Variants in LRRC37A2 observed in about 807,000 individuals in gnomAD.
LRRC37A2 encodes leucine rich repeat containing 37 member A2, also known as leucine-rich repeat-containing protein 37A2.
LRRC37A2 carries 9 observed loss-of-function variants against 68.8 expected under a neutral mutation model. The ratio of observed to expected loss-of-function variants is 0.13; its 90% CI spans 0.08 to 0.23. The LOEUF (loss-of-function observed/expected upper bound fraction) is 0.23, where lower values mean the gene tolerates loss of function less well. LRRC37A2 is among the 10% of genes least tolerant of loss of function. LRRC37A2 has a pLI of 1.00. For synonymous variants in LRRC37A2, 63 were observed against 367.6 expected, an observed-to-expected ratio of 0.17 and a Z score of 9.48; for missense variants, 168 against 950.4, an observed-to-expected ratio of 0.18 and a Z score of 10.82.
chr17:46,558,757 A>C (rs1490146146), downstream of LRRC37A2: 4 of 136,452 alleles, frequency 2.9e-5, no homozygotes, highest in Non-Finnish European at 6.3e-5. Flanking sequence ...ATGCTGCTTT[A>C]AATGACTGAT....
the LRRC37A2 span, among the ~76,000 whole-genome samples, chr17:46,987,629 A>G: frequency 6.6e-6 from 1 of 152,184 alleles, no homozygotes; most frequent in Non-Finnish European, 1.5e-5. Flanking sequence ...CACTCTAAGT[A>G]TATACCCAAA....
At chr17:46,978,926 G>C in the LRRC37A2 span, 4 of 1,460,816 alleles carry the variant, frequency 2.7e-6, no homozygotes, top group Non-Finnish European at 3.6e-6. Flanking sequence ...CCGTGGGTGC[G>C]GTTTCCCAGG....
the LRRC37A2 span, among the ~76,000 whole-genome samples, chr17:46,944,139 A>G: frequency 2.0e-5 from 3 of 152,224 alleles, no homozygotes; most frequent in Non-Finnish European, 2.9e-5. Context: ...AGTGGCTGAC[A>G]GTACAAGAGG....
At chr17:46,801,835 AGAG>A in the LRRC37A2 span, among the ~76,000 whole-genome samples, 327 of 152,266 alleles carry the variant, frequency 2.1e-3, 1 homozygote, top group Admixed American at 4.3e-3. Context: ...CAGCCACATT[AGAG>A]GAGGCAAGCC....
the LRRC37A2 span, among the ~76,000 whole-genome samples, chr17:46,805,284 G>A: frequency 6.6e-6 from 1 of 151,694 alleles, no homozygotes; most frequent in Non-Finnish European, 1.5e-5. Flanking sequence ...CAAAAAAAAA[G>A]AAAAAAGGCT....
At chr17:46,960,544 TA>T in the LRRC37A2 span, among the ~76,000 whole-genome samples, 59 of 152,180 alleles carry the variant, frequency 3.9e-4, no homozygotes, top group African/African-American at 1.4e-3. Context: ...CACACATACA[TA>T]AAAAAACTCT....
chr17:46,734,741 G>C, the LRRC37A2 span, among the ~76,000 whole-genome samples: 1 of 152,236 alleles, frequency 6.6e-6, no homozygotes, highest in East Asian at 1.9e-4. Context: ...TATATATGTA[G>C]ATTAATTTCA....
At chr17:46,773,623 TCCCCCCACCCAGCCCCTC>T in the LRRC37A2 span, 8 of 383,460 alleles carry the variant, frequency 2.1e-5, no homozygotes, top group African/African-American at 2.8e-5. Flanking sequence ...TCCTGATCCC[TCCCCCCACCCAGCCCCTC>T]CCCCCCCCTC....
At chr17:46,909,173 A>G in the LRRC37A2 span, among the ~76,000 whole-genome samples, 8 of 152,252 alleles carry the variant, frequency 5.3e-5, no homozygotes, top group African/African-American at 1.9e-4. Context: ...GACCACAGGT[A>G]TGCACCACCA....
At chr17:46,796,213 C>T in the LRRC37A2 span, among the ~76,000 whole-genome samples, 1 of 152,122 alleles carries the variant, frequency 6.6e-6, no homozygotes, top group East Asian at 1.9e-4. Context: ...AAAGAGGCTG[C>T]GGGGAGGAAG....
chr17:46,708,822 A>ATTTTTT, the LRRC37A2 span, among the ~76,000 whole-genome samples: 2 of 108,902 alleles, frequency 1.8e-5, no homozygotes, highest in Non-Finnish European at 3.4e-5. Flanking sequence ...ATATATATAT[A>ATTTTTT]TTTTTTTTTT....
At chr17:46,635,778 TGTG>T in the LRRC37A2 span, among the ~76,000 whole-genome samples, 1 of 1,468 alleles carries the variant, frequency 6.8e-4, no homozygotes, top group African/African-American at 9.9e-4. Context: ...GGAAAATAAA[TGTG>T]TGTGTGTGTG....
chr17:47,012,372 A>C, the LRRC37A2 span, among the ~76,000 whole-genome samples: 2 of 152,214 alleles, frequency 1.3e-5, no homozygotes, highest in African/African-American at 4.8e-5. Context: ...AACAAAAGGA[A>C]AAATAGATAA....
At chr17:46,941,530 C>G in the LRRC37A2 span, 1 of 412,250 alleles carries the variant, frequency 2.4e-6, no homozygotes, top group Non-Finnish European at 3.3e-6. Context: ...CTGGGGCCTA[C>G]CCCAGATCTG....
the LRRC37A2 span, chr17:46,929,460 C>G: frequency 6.9e-6 from 6 of 872,848 alleles, no homozygotes; most frequent in Admixed American, 8.5e-5. Context: ...ATTGTCTTTC[C>G]TGACTGAAGC....
chr17:46,820,898 T>C, the LRRC37A2 span, among the ~76,000 whole-genome samples: 2 of 152,090 alleles, frequency 1.3e-5, no homozygotes, highest in African/African-American at 4.8e-5. Flanking sequence ...CAGACACCAC[T>C]GTGGATGCAG....
chr17:46,553,208 C>T (rs1598560249), intron 11 of LRRC37A2, 192 bp from the exon 11 acceptor site: 1 of 849,452 alleles, frequency 1.2e-6, no homozygotes, highest in East Asian at 1.3e-4. Flanking sequence ...TAGAACCAAT[C>T]CCCCGCAAGA....
At chr17:46,905,066 G>T in the LRRC37A2 span, among the ~76,000 whole-genome samples, 2 of 151,870 alleles carry the variant, frequency 1.3e-5, no homozygotes, top group South Asian at 4.1e-4. Flanking sequence ...CTAGAGAAAA[G>T]ACCTTTTTTT....
the LRRC37A2 span, among the ~76,000 whole-genome samples, chr17:46,385,184 A>G: frequency 9.8e-6 from 1 of 102,438 alleles, no homozygotes; most frequent in Admixed American, 9.8e-5. Context: ...AATAATATTG[A>G]TATAATTTTG....
Sources: allele counts gnomAD v4.1 joint callset (sites outside exome capture counted in the v4.1 genomes callset), GRCh38; gene constraint gnomAD v4.1.1; transcripts MANE v1.5; gene names NCBI Gene and HGNC (gene_info 2026-07-23, HGNC 2026-07-21).